The following CNTNAP2 variants were observed in gnomAD, a reference collection of about 807,000 sequenced individuals.
CNTNAP2 encodes contactin-associated protein-like 2.
In CNTNAP2, 98 loss-of-function variants were observed where a neutral mutation model predicts 155.2. That is an observed-to-expected ratio of 0.63 (90% CI 0.54 to 0.75). The LOEUF (loss-of-function observed/expected upper bound fraction) is 0.75, where lower values mean the gene tolerates loss of function less well. Among genes scored for constraint, CNTNAP2 ranks in the 30% least tolerant of loss-of-function variants. The pLI is 0.00. For synonymous variants in CNTNAP2, 651 were observed against 631.2 expected (o/e 1.03, Z -0.47); for missense variants, 1,727 against 1,688.1 (o/e 1.02, Z -0.40).
At chr7:146,677,862 C>A (rs570734625) in intron 1 of CNTNAP2, among the ~76,000 whole-genome samples, 3 of 151,966 alleles carry the variant, frequency 2.0e-5, no homozygotes, top group South Asian at 4.2e-4. Context: ...GAAATAATTG[C>A]CCCCAGACGT....
chr7:148,198,312 A>G (rs1795309263), intron 18 of CNTNAP2, among the ~76,000 whole-genome samples: 1 of 152,214 alleles, frequency 6.6e-6, no homozygotes, highest in African/African-American at 2.4e-5. Context: ...ATGATCCAAG[A>G]AGTAAGAAAT....
At chr7:146,128,780 G>A (rs1370079545) in intron 1 of CNTNAP2, among the ~76,000 whole-genome samples, 1 of 151,942 alleles carries the variant, frequency 6.6e-6, no homozygotes, top group Non-Finnish European at 1.5e-5. Flanking sequence ...ACATTGTTGT[G>A]TTTTGATAGC....
intron 10 of CNTNAP2, among the ~76,000 whole-genome samples, chr7:147,433,941 C>T (rs1326556117): frequency 6.6e-6 from 1 of 152,036 alleles, no homozygotes; most frequent in Non-Finnish European, 1.5e-5. Context: ...CTTTGTTGTC[C>T]TTTTAAATAA....
At chr7:146,118,723 A>G (rs1420934195) in intron 1 of CNTNAP2, among the ~76,000 whole-genome samples, 1 of 152,150 alleles carries the variant, frequency 6.6e-6, no homozygotes, top group Non-Finnish European at 1.5e-5. Context: ...TTGTTATTTC[A>G]TAAATATTTT....
At chr7:147,237,643 C>G (rs1171937736) in intron 8 of CNTNAP2, among the ~76,000 whole-genome samples, 2 of 152,168 alleles carry the variant, frequency 1.3e-5, no homozygotes, top group African/African-American at 2.4e-5. Context: ...TTTCCAGTTT[C>G]TATTAAAGAT....
intron 1 of CNTNAP2, among the ~76,000 whole-genome samples, chr7:146,271,604 A>G (rs2129083409): frequency 6.6e-6 from 1 of 151,882 alleles, no homozygotes; most frequent in Non-Finnish European, 1.5e-5. Context: ...TTAAGTTAAA[A>G]TTGTTCTATT....
At chr7:146,949,485 G>C (rs1475496651) in intron 3 of CNTNAP2, among the ~76,000 whole-genome samples, 2 of 152,134 alleles carry the variant, frequency 1.3e-5, no homozygotes, top group Non-Finnish European at 2.9e-5. Context: ...TCTGAAAACT[G>C]TCCCTCTTCT....
chr7:147,377,536 G>GA (rs1364454294), intron 9 of CNTNAP2, among the ~76,000 whole-genome samples: 1 of 151,614 alleles, frequency 6.6e-6, no homozygotes, highest in Non-Finnish European at 1.5e-5. Context: ...TCCATTCTTT[G>GA]ACACACATCC....
intron 21 of CNTNAP2, among the ~76,000 whole-genome samples, chr7:148,332,882 CAG>C (rs1798056079): frequency 6.6e-6 from 1 of 152,138 alleles, no homozygotes; most frequent in Non-Finnish European, 1.5e-5. Context: ...AAAAAAGAAA[CAG>C]AGCCTAAACC....
chr7:148,159,217 T>C (rs1444906154), intron 17 of CNTNAP2, among the ~76,000 whole-genome samples: 1 of 152,154 alleles, frequency 6.6e-6, no homozygotes, highest in African/African-American at 2.4e-5. Flanking sequence ...ATGTTCCTCT[T>C]TCATTTTAAT....
intron 13 of CNTNAP2, among the ~76,000 whole-genome samples, chr7:147,741,773 C>A (rs1796960483): frequency 6.6e-6 from 1 of 152,194 alleles, no homozygotes; most frequent in Admixed American, 6.5e-5. Context: ...AAGTTAATCT[C>A]TCCATTCCTT....
chr7:147,881,332 C>T (rs972589659), intron 13 of CNTNAP2, among the ~76,000 whole-genome samples: 1 of 152,236 alleles, frequency 6.6e-6, no homozygotes, highest in East Asian at 1.9e-4. Context: ...TGGGACTAGA[C>T]TTATGTGGCA....
chr7:147,211,301 C>G (rs1388390924), intron 8 of CNTNAP2, among the ~76,000 whole-genome samples: 1 of 151,972 alleles, frequency 6.6e-6, no homozygotes, highest in Non-Finnish European at 1.5e-5. Flanking sequence ...TTTTATGAAT[C>G]TGGGTACTCC....
At position 146,218,218 on chromosome 7, in the gene CNTNAP2, C is replaced by T. The variant is rs375167857; in HGVS notation, c.97+101245C>T. On this transcript the variant is annotated intron_variant, in intron 1 of 23. Coordinates refer to ENST00000361727, the MANE Select transcript of CNTNAP2 (RefSeq NM_014141.6). ...TCCTTACCAAGAACTTTTATTAAAA[C>T]ATTGCCATCGGCCGGGCGCGGTGGC... is the stretch of plus-strand genomic sequence containing the variant. Among the ~76,000 whole-genome samples, 12 of 152,218 alleles carry T rather than the reference C, an allele frequency of 7.9e-5. No homozygotes were observed. In the East Asian group the frequency reaches 1.4e-3, roughly 17 times the overall value.
At chr7:147,729,267 C>T (rs138822816) in intron 13 of CNTNAP2, among the ~76,000 whole-genome samples, 2 of 151,704 alleles carry the variant, frequency 1.3e-5, no homozygotes, top group Non-Finnish European at 2.9e-5. Context: ...AGTAATTTAG[C>T]CTTATCTCAC....
At chr7:146,592,112 A>T (rs974466921) in intron 1 of CNTNAP2, among the ~76,000 whole-genome samples, 1 of 152,178 alleles carries the variant, frequency 6.6e-6, no homozygotes, top group South Asian at 2.1e-4. Context: ...TCCGGCTGTC[A>T]TGAAACCTGG....
intron 4 of CNTNAP2, among the ~76,000 whole-genome samples, chr7:147,061,619 C>A (rs1799677087): frequency 6.6e-6 from 1 of 152,142 alleles, no homozygotes; most frequent in Non-Finnish European, 1.5e-5. Context: ...TACAGTGGCC[C>A]CTGTTTGTAT....
intron 20 of CNTNAP2, among the ~76,000 whole-genome samples, chr7:148,260,893 G>A (rs1183004654): frequency 6.6e-6 from 1 of 152,188 alleles, no homozygotes; most frequent in Non-Finnish European, 1.5e-5. Flanking sequence ...AGGCCTAAGT[G>A]CTTATGCAAC....
At chr7:147,713,128 T>A (rs1054603786) in intron 13 of CNTNAP2, among the ~76,000 whole-genome samples, 2 of 152,074 alleles carry the variant, frequency 1.3e-5, no homozygotes, top group Non-Finnish European at 2.9e-5. Flanking sequence ...ATCTGTGTTA[T>A]TTACTTTGAG....
Sources: allele counts gnomAD v4.1 joint callset (sites outside exome capture counted in the v4.1 genomes callset), GRCh38; gene constraint gnomAD v4.1.1; transcripts MANE v1.5; gene names NCBI Gene and HGNC (gene_info 2026-07-23, HGNC 2026-07-21).